The following DPYD variants were observed in gnomAD, a reference collection of about 807,000 sequenced individuals.
The protein encoded by DPYD is dihydropyrimidine dehydrogenase [NADP(+)].
Under a neutral mutation model 116.2 loss-of-function variants are expected in DPYD, and 109 were observed. The ratio of observed to expected loss-of-function variants is 0.94; its 90% CI spans 0.80 to 1.10. DPYD has a LOEUF of 1.10. Among genes scored for constraint, DPYD ranks in the 50% least tolerant of loss-of-function variants. The pLI is 0.00. For missense variants in DPYD, 1,302 were observed against 1,254.5 expected (o/e 1.04, Z -0.57); for synonymous variants, 440 against 432.0 (o/e 1.02, Z -0.23).
chr1:97,450,768 A>C (rs962398360), intron 13 of DPYD, among the ~76,000 whole-genome samples: 1 of 152,076 alleles, frequency 6.6e-6, no homozygotes, highest in Admixed American at 6.6e-5. Context: ...TACTTATAGG[A>C]TTATAACTAT....
intron 18 of DPYD, among the ~76,000 whole-genome samples, chr1:97,300,686 A>G (rs916938242): frequency 1.4e-4 from 22 of 152,100 alleles, no homozygotes; most frequent in Admixed American, 1.3e-4. Context: ...ATACAACAAA[A>G]TAAGTGTATG....
chr1:97,401,211 A>G (rs1045351368), intron 14 of DPYD, among the ~76,000 whole-genome samples: 3 of 152,080 alleles, frequency 2.0e-5, no homozygotes, highest in Non-Finnish European at 2.9e-5. Flanking sequence ...TATTTTGGAT[A>G]ACCGTACTTT....
chr1:97,866,220 T>C (rs908326026), intron 2 of DPYD, among the ~76,000 whole-genome samples: 2 of 151,960 alleles, frequency 1.3e-5, no homozygotes, highest in African/African-American at 4.8e-5. Context: ...TGGAAGACTT[T>C]CGGTTCAGTT....
At chr1:97,904,955 T>A (rs1034701786) in intron 1 of DPYD, among the ~76,000 whole-genome samples, 1 of 152,038 alleles carries the variant, frequency 6.6e-6, no homozygotes, top group Non-Finnish European at 1.5e-5. Context: ...GGCACCTGCA[T>A]AGTCAATGTA....
chr1:97,161,541 T>C (rs1655896483), intron 20 of DPYD, among the ~76,000 whole-genome samples: 1 of 152,086 alleles, frequency 6.6e-6, no homozygotes, highest in South Asian at 2.1e-4. Context: ...TCACTTTTAA[T>C]TCAACATGAA....
chr1:97,333,994 A>G (rs1669161828), intron 16 of DPYD, among the ~76,000 whole-genome samples: 1 of 152,200 alleles, frequency 6.6e-6, no homozygotes, highest in African/African-American at 2.4e-5. Flanking sequence ...ATTTACGTTA[A>G]TAGCATTATA....
chr1:97,733,639 A>C (rs1043192923), intron 4 of DPYD, among the ~76,000 whole-genome samples: 1 of 152,068 alleles, frequency 6.6e-6, no homozygotes, highest in Non-Finnish European at 1.5e-5. Flanking sequence ...TACTTCAAAC[A>C]ATGCTATAAT....
chr1:97,102,497 CCTT>C (rs1433792848), intron 20 of DPYD, among the ~76,000 whole-genome samples: 1 of 19,122 alleles, frequency 5.2e-5, no homozygotes, highest in Non-Finnish European at 9.5e-5. Flanking sequence ...CTATCTATCT[CCTT>C]TATACCTATT....
At position 97,753,475 on chromosome 1, in the gene DPYD, C is replaced by G. The variant is rs534886922; in HGVS notation, c.234-12996G>C. Among the ~76,000 whole-genome samples the G allele has an allele frequency of 2.6e-5, 4 of 152,272 alleles. No individual in the cohort carries two copies. The South Asian group carries it at 8.3e-4, about 32-fold the overall frequency. On this transcript the variant is annotated intron_variant, in intron 3 of 22. Transcript: ENST00000370192. ...GCTCTACAGACCAGCCTGTGGGGAT[C>G]ATCATTTCATTTCTGCAATAGTTCT...
intron 19 of DPYD, 152 bp from the exon 20 acceptor site, chr1:97,193,400 G>A: frequency 1.3e-6 from 1 of 784,208 alleles, no homozygotes; most frequent in Non-Finnish European, 2.2e-6. Context: ...TGGGGGTGGT[G>A]GGGAGGAATG....
At chr1:97,782,416 A>G (rs1381497283) in intron 3 of DPYD, among the ~76,000 whole-genome samples, 1 of 152,202 alleles carries the variant, frequency 6.6e-6, no homozygotes, top group Non-Finnish European at 1.5e-5. Context: ...TGCTTTGAGC[A>G]TGTTCTACAG....
intron 3 of DPYD, among the ~76,000 whole-genome samples, chr1:97,776,917 T>C (rs1571339867): frequency 1.3e-5 from 2 of 152,230 alleles, no homozygotes; most frequent in East Asian, 3.8e-4. Context: ...ATTACAAGTT[T>C]AGACATTTTC....
At chr1:97,481,536 A>C (rs1160305610) in intron 13 of DPYD, among the ~76,000 whole-genome samples, 2 of 152,206 alleles carry the variant, frequency 1.3e-5, no homozygotes, top group African/African-American at 4.8e-5. Context: ...TTCATCAAAA[A>C]AGTAATGGTT....
chr1:97,199,548 T>G (rs1405523877), intron 19 of DPYD, among the ~76,000 whole-genome samples: 1 of 152,102 alleles, frequency 6.6e-6, no homozygotes, highest in Non-Finnish European at 1.5e-5. Flanking sequence ...AGGCAGGATA[T>G]AATTTTTTTA....
At chr1:97,872,789 T>C (rs1422239985) in intron 2 of DPYD, among the ~76,000 whole-genome samples, 2 of 151,912 alleles carry the variant, frequency 1.3e-5, no homozygotes, top group East Asian at 3.9e-4. Context: ...TCATCATCAT[T>C]GTCACTACTC....
At chr1:97,810,058 G>T (rs1044440359) in intron 3 of DPYD, among the ~76,000 whole-genome samples, 1 of 151,828 alleles carries the variant, frequency 6.6e-6, no homozygotes, top group Admixed American at 6.6e-5. Flanking sequence ...AGGCCGACGC[G>T]GGTGGATCAC....
chr1:97,284,992 C>G (rs900028796), intron 18 of DPYD, among the ~76,000 whole-genome samples: 3 of 152,116 alleles, frequency 2.0e-5, no homozygotes, highest in Non-Finnish European at 4.4e-5. Flanking sequence ...GGAAAATCCC[C>G]TTTTCAGGAC....
At chr1:97,538,324 C>T (rs1024365611) in intron 12 of DPYD, among the ~76,000 whole-genome samples, 7 of 152,188 alleles carry the variant, frequency 4.6e-5, no homozygotes, top group Non-Finnish European at 8.8e-5. Context: ...ATGAATTTGT[C>T]TCCACTAGGT....
intron 13 of DPYD, among the ~76,000 whole-genome samples, chr1:97,485,364 G>T (rs1265803472): frequency 1.3e-5 from 2 of 152,028 alleles, no homozygotes; most frequent in African/African-American, 2.4e-5. Flanking sequence ...ACGATGCCTG[G>T]TTAATTTTTC....
Sources: gnomAD v4.1 joint callset for allele counts (sites outside exome capture counted in the v4.1 genomes callset) on GRCh38, gnomAD v4.1.1 for gene constraint, MANE v1.5 for transcripts, NCBI Gene and HGNC (gene_info 2026-07-23, HGNC 2026-07-21) for gene names.